Variants in DLG2 observed in about 807,000 individuals in gnomAD.
DLG2 encodes the protein disks large homolog 2.
A neutral mutation model predicts 132.5 loss-of-function variants in DLG2; 45 were observed. The observed-to-expected ratio is 0.34, with a 90% CI of 0.27 to 0.44. DLG2 has a LOEUF of 0.44. DLG2 is among the 20% of genes least tolerant of loss of function. The pLI is 1.00. For missense variants in DLG2, 1,045 were observed against 1,196.9 expected (o/e 0.87, Z 1.87); for synonymous variants, 424 against 419.6 (o/e 1.01, Z -0.13).
At chr11:84,639,814 T>C (rs1188490874) in intron 6 of DLG2, among the ~76,000 whole-genome samples, 1 of 152,096 alleles carries the variant, frequency 6.6e-6, no homozygotes, top group Non-Finnish European at 1.5e-5. Flanking sequence ...CTATGCTCAG[T>C]GTACCTCCCA....
intron 8 of DLG2, among the ~76,000 whole-genome samples, chr11:84,238,710 CAT>C (rs1249671919): frequency 6.7e-6 from 1 of 150,336 alleles, no homozygotes; most frequent in Non-Finnish European, 1.5e-5. Flanking sequence ...AGGAAAGTAA[CAT>C]AAAAATGTTA....
intron 22 of DLG2, among the ~76,000 whole-genome samples, chr11:83,473,486 C>A (rs2092303501): frequency 6.6e-6 from 1 of 152,082 alleles, no homozygotes; most frequent in Non-Finnish European, 1.5e-5. Flanking sequence ...CAACAAATAA[C>A]CATAGAAAGT....
chr11:83,585,162 C>T (rs1357398424), intron 19 of DLG2, among the ~76,000 whole-genome samples: 5 of 152,264 alleles, frequency 3.3e-5, no homozygotes, highest in East Asian at 1.9e-4. Flanking sequence ...GATTCTTCTA[C>T]TATCACTGTG....
At position 83,520,402 on chromosome 11, in the gene DLG2, T is replaced by C. The variant is rs565853744; in HGVS notation, c.2193+12306A>G. Among the ~76,000 whole-genome samples the C allele has an allele frequency of 5.3e-5, 8 of 152,352 alleles. No homozygotes were observed. The East Asian group carries it at 9.6e-4, about 18-fold the overall frequency. ...ATGTATACCAATAGCCCTGGAGTCA[T>C]GGAAATTATTTTTCTCTTTTTCTCT... On this transcript the variant is annotated intron_variant, in intron 21 of 27. Transcript: ENST00000376104.
chr11:85,544,845 A>G (rs1475239944), intron 3 of DLG2, among the ~76,000 whole-genome samples: 1 of 149,400 alleles, frequency 6.7e-6, no homozygotes, highest in East Asian at 1.9e-4. Context: ...TTTTGTATCA[A>G]TCAAACTTTG....
At chr11:85,075,814 G>T (rs990454687) in intron 6 of DLG2, among the ~76,000 whole-genome samples, 8 of 152,002 alleles carry the variant, frequency 5.3e-5, no homozygotes, top group Non-Finnish European at 7.4e-5. Context: ...CATGCCAACT[G>T]ATCACAGTGG....
Position 83,456,441 on chromosome 11 carries a change from C to T in DLG2, c.*3377G>A, listed in dbSNP as rs947269151. 6.6e-6 allele frequency: 1 copy of T among 152,310 alleles called. No homozygotes were observed. The highest frequency in any genetic ancestry group is 2.4e-5 in the African/African-American group (1 of 41,282). 9.4% of individuals were successfully genotyped at this position (152,310 alleles called of 1,614,324 possible). On this transcript the variant is annotated 3_prime_UTR_variant, in exon 28 of 28. Transcript: ENST00000376104. ...CTTGCTGTCTGAATCAGCCATGAGC[C>T]CTTTAGAGGACAGAAAAATCAATAC...
chr11:84,903,500 C>G (rs894760525), intron 6 of DLG2, among the ~76,000 whole-genome samples: 3 of 152,108 alleles, frequency 2.0e-5, no homozygotes, highest in Non-Finnish European at 4.4e-5. Flanking sequence ...ATATAAGCTA[C>G]TCAGGGGCAG....
At chr11:85,439,480 C>A (rs1339131478) in intron 3 of DLG2, among the ~76,000 whole-genome samples, 1 of 151,926 alleles carries the variant, frequency 6.6e-6, no homozygotes, top group African/African-American at 2.4e-5. Context: ...CTGACTCAGC[C>A]TCCTAAGTAG....
Position 83,678,288 on chromosome 11 carries a change from C to T in DLG2, c.1826-44963G>A, listed in dbSNP as rs370468689. Among the ~76,000 whole-genome samples the T allele has an allele frequency of 4.6e-5, 7 of 152,152 alleles. No homozygotes were observed. The East Asian group carries it at 1.2e-3, about 25-fold the overall frequency. Reference sequence around the variant, plus strand: ...ACAGACAAAAGCCCCACAAAACCAACGCAGTGGAATTTTAGTTTACTACTC... The same window carrying T: ...ACAGACAAAAGCCCCACAAAACCAATGCAGTGGAATTTTAGTTTACTACTC... On this transcript the variant is annotated intron_variant, in intron 18 of 27. Transcript: ENST00000376104.
chr11:84,986,109 T>G (rs2056456431), intron 6 of DLG2, among the ~76,000 whole-genome samples: 1 of 143,130 alleles, frequency 7.0e-6, no homozygotes, highest in Non-Finnish European at 1.5e-5. Flanking sequence ...CAATTACAAA[T>G]GAAATGAGAG....
At chr11:84,146,654 A>T (rs1454306761) in intron 9 of DLG2, among the ~76,000 whole-genome samples, 1 of 152,172 alleles carries the variant, frequency 6.6e-6, no homozygotes, top group Non-Finnish European at 1.5e-5. Context: ...GACATGACCT[A>T]CCTGACAACT....
rs187512620 is a variant in DLG2 at position 85,166,145 on chromosome 11, T to C, written c.187-11494A>G. ...TCCTCCTTCTTGAAAGTTATACCTA[T>C]ATTCAGAAACATCTCTCTCTCCTAT... is the stretch of plus-strand genomic sequence containing the variant. On this transcript the variant is annotated intron_variant, in intron 4 of 27. Coordinates refer to ENST00000376104, the MANE Select transcript of DLG2 (RefSeq NM_001142699.3). 3.0e-3 allele frequency among the ~76,000 whole-genome samples: 453 copies of C among 152,240 alleles called. 2 individuals carry two copies. The highest frequency in any genetic ancestry group is 6.8e-3 in the Middle Eastern group (2 of 294).
At chr11:85,268,918 A>T (rs925280713) in intron 4 of DLG2, among the ~76,000 whole-genome samples, 3 of 152,228 alleles carry the variant, frequency 2.0e-5, no homozygotes, top group Non-Finnish European at 4.4e-5. Flanking sequence ...CAACTAACGG[A>T]TAGAATTTTA....
chr11:85,481,521 GAGA>G (rs1488160134), intron 3 of DLG2, among the ~76,000 whole-genome samples: 3 of 152,126 alleles, frequency 2.0e-5, no homozygotes, highest in Non-Finnish European at 4.4e-5. Context: ...TTCCACTTGA[GAGA>G]AGGAGAGGGC....
chr11:85,252,682 C>T (rs1183128141), intron 4 of DLG2, among the ~76,000 whole-genome samples: 1 of 152,074 alleles, frequency 6.6e-6, no homozygotes, highest in African/African-American at 2.4e-5. Flanking sequence ...GTGTTTAATA[C>T]TTACCTAATA....
At chr11:85,413,531 T>A (rs1426553700) in intron 3 of DLG2, among the ~76,000 whole-genome samples, 3 of 152,026 alleles carry the variant, frequency 2.0e-5, no homozygotes, top group African/African-American at 7.2e-5. Context: ...ATTTTTAGAG[T>A]TTCCGGTCTT....
intron 18 of DLG2, among the ~76,000 whole-genome samples, chr11:83,738,940 T>C (rs1468563786): frequency 2.6e-5 from 4 of 152,070 alleles, no homozygotes; most frequent in Admixed American, 1.3e-4. Context: ...TTGGTGACAG[T>C]GAAGTCCAAA....
rs535592530 is a variant in DLG2, at chr11:84,011,366, G to C, written c.920-30724C>G. ...TGTGCCTGTGGTTCCAGCTACTCTG[G>C]AGGCTGAAGCTGGAGGATCACTTGA... On this transcript the variant is annotated intron_variant, in intron 11 of 27. Transcript: ENST00000376104. Among the ~76,000 whole-genome samples, 11 of 152,206 alleles carry C rather than the reference G, an allele frequency of 7.2e-5. 1 individual carries two copies. In the South Asian group the frequency reaches 2.3e-3, roughly 32 times the overall value.
Sources: gnomAD v4.1 joint callset for allele counts (sites outside exome capture counted in the v4.1 genomes callset) on GRCh38, gnomAD v4.1.1 for gene constraint, MANE v1.5 for transcripts, NCBI Gene and HGNC (gene_info 2026-07-23, HGNC 2026-07-21) for gene names.